DAAM1: variants seen among roughly 807,000 people sequenced by gnomAD.
DAAM1 encodes dishevelled associated activator of morphogenesis 1, also known as disheveled-associated activator of morphogenesis 1.
In DAAM1, 52 loss-of-function variants were observed where a neutral mutation model predicts 130.0. The observed-to-expected ratio is 0.40, with a 90% confidence interval of 0.32 to 0.50. DAAM1 has a LOEUF of 0.50. Among genes scored for constraint, DAAM1 ranks in the 20% least tolerant of loss-of-function variants. DAAM1 has a pLI of 0.61. For missense variants in DAAM1, 1,134 were observed against 1,303.8 expected (o/e 0.87, Z 2.01); for synonymous variants, 452 against 444.5 (o/e 1.02, Z -0.21).
Position 59,353,896 on chromosome 14 carries a change from G to A in DAAM1, c.2288G>A (p.Arg763Lys), listed in dbSNP as rs1289541737. The part of the protein sequence containing the change: ...EMSRINHYQQ[R>K]LQSLYFKKKF... ...TACAGAATTAATCACTATCAGCAAAGGTTGCAATCGCTGTACTTCAAAAAG... is the reference window on the plus strand; with the variant it reads ...TACAGAATTAATCACTATCAGCAAAAGTTGCAATCGCTGTACTTCAAAAAG... Residue 763 changes from arginine to lysine, a missense_variant, in exon 19 of 25, where the codon AGG (arginine) becomes AAG (lysine). Around this residue, in one of 3 missense-constraint regions of DAAM1, gnomAD observed 644 missense variants for 695.9 expected, o/e 0.93. Transcript: ENST00000360909. 1.9e-6 allele frequency: 3 copies of A among 1,613,906 alleles called. No homozygotes were observed. The Admixed American group carries it at 5.0e-5, about 27-fold the overall frequency.
intron 16 of DAAM1, among the ~76,000 whole-genome samples, chr14:59,346,142 G>T (rs1044404368): frequency 7.7e-5 from 10 of 129,480 alleles, no homozygotes; most frequent in Non-Finnish European, 1.4e-4. Context: ...TTTTTTTGGG[G>T]GGGGGGGGGT....
intron 16 of DAAM1, among the ~76,000 whole-genome samples, chr14:59,345,246 A>G (rs559377967): frequency 6.6e-6 from 1 of 152,312 alleles, no homozygotes; most frequent in South Asian, 2.1e-4. Flanking sequence ...CTAACGCGAT[A>G]TTCTGGGAAC....
At chr14:59,363,595 T>C (rs1247475831) in intron 22 of DAAM1, 56 bp from the exon 23 acceptor site, 1 of 1,601,486 alleles carries the variant, frequency 6.2e-7, no homozygotes, top group Non-Finnish European at 8.5e-7. Context: ...AGACGAGGTG[T>C]GTCTCATGTC....
Position 59,289,940 on chromosome 14 carries a change from G to A in DAAM1, c.184-1277G>A, listed in dbSNP as rs117704724. ...AGTAAGAGCTAAACTTTGAAGACAC[G>A]TGGACACAAAGATGGGGAAAATAGA... On this transcript the variant is annotated intron_variant, in intron 2 of 24. Transcript: ENST00000360909. 5.5e-4 allele frequency among the ~76,000 whole-genome samples: 84 copies of A among 151,960 alleles called. 2 individuals carry two copies. The East Asian group carries it at 0.013, about 23-fold the overall frequency.
rs180968579 is a variant in DAAM1, at chr14:59,226,210, A to G, written c.-37-37231A>G. Among the ~76,000 whole-genome samples, 11 of 152,312 alleles carry G rather than the reference A, an allele frequency of 7.2e-5. No individual in the cohort carries two copies. In the East Asian group the frequency reaches 2.1e-3, roughly 29 times the overall value. ...ATGGAGGGATATTGAACAGATACCT[A>G]CTTCCTTAGTATATTGCTCTGTTTA... On this transcript the variant is annotated intron_variant, in intron 1 of 24. Transcript: ENST00000360909.
At chr14:59,213,167 A>T (rs576493376) in intron 1 of DAAM1, among the ~76,000 whole-genome samples, 1 of 151,958 alleles carries the variant, frequency 6.6e-6, no homozygotes, top group Non-Finnish European at 1.5e-5. Context: ...TATTCAGGGG[A>T]ACTTGTCAGT....
At chr14:59,189,066 C>T (rs916948356) in intron 1 of DAAM1, among the ~76,000 whole-genome samples, 6 of 152,222 alleles carry the variant, frequency 3.9e-5, no homozygotes, top group African/African-American at 1.4e-4. Flanking sequence ...GGGGTCCCTC[C>T]CTTTCTTTCT....
intron 1 of DAAM1, among the ~76,000 whole-genome samples, chr14:59,219,752 C>T (rs1452967245): frequency 6.6e-6 from 1 of 152,144 alleles, no homozygotes; most frequent in Admixed American, 6.5e-5. Context: ...TGAGCTTGGC[C>T]AACCTGTGTT....
chr14:59,330,343 GCCTTTGAGTTGCTC>G (rs1419331267), intron 12 of DAAM1, among the ~76,000 whole-genome samples, 144 bp from the exon 13 acceptor site: 1 of 152,078 alleles, frequency 6.6e-6, no homozygotes, highest in African/African-American at 2.4e-5. Context: ...ACATCATTTA[GCCTTTGAGTTGCTC>G]CCTTTGATGG....
chr14:59,327,402 C>CTTTGTTTTTTTTTTTTT (rs1885249122), intron 12 of DAAM1, among the ~76,000 whole-genome samples: 1 of 58,988 alleles, frequency 1.7e-5, no homozygotes, highest in Non-Finnish European at 2.9e-5. Context: ...CACTTGGTTT[C>CTTTGTTTTTTTTTTTTT]TTTTTTTTTT....
chr14:59,198,421 G>T (rs1887982031), intron 1 of DAAM1, among the ~76,000 whole-genome samples: 2 of 151,876 alleles, frequency 1.3e-5, no homozygotes, highest in Non-Finnish European at 2.9e-5. Flanking sequence ...GGTCAGGCTG[G>T]TCTCAAACTC....
At chr14:59,317,558 G>A (rs1340920928) in intron 4 of DAAM1, among the ~76,000 whole-genome samples, 1 of 152,144 alleles carries the variant, frequency 6.6e-6, no homozygotes, top group Non-Finnish European at 1.5e-5. Context: ...TCTGCTTAGG[G>A]CATTCTTGAA....
rs775151779 is a variant in DAAM1, at chr14:59,291,217, G to A, written c.184G>A (p.Asp62Asn). ...ELDVMFSELV[D>N]ELDLTDKHRE... ...CACTAATTATTTTCTTTCTTCTCAGGATGAACTGGACCTCACAGACAAACA... is the reference window on the plus strand; with the variant it reads ...CACTAATTATTTTCTTTCTTCTCAGAATGAACTGGACCTCACAGACAAACA... The change falls in exon 3 of 25, where the codon GAT becomes AAT. Residue 62 changes from aspartate (D) to asparagine (N), a missense_variant and splice_region_variant. Physicochemically the swap from Asp to Asn is conservative, Grantham distance 23. This residue lies in a region of DAAM1 where 99 missense variants were observed against 86.4 expected (regional missense o/e 1.15). Transcript: ENST00000360909. 1 of 1,605,358 alleles carries A rather than the reference G, an allele frequency of 6.2e-7. No individual in the cohort carries two copies. Among genetic ancestry groups the A allele is most frequent in the East Asian group, 2.2e-5 (1 of 44,512 alleles).
intron 1 of DAAM1, among the ~76,000 whole-genome samples, chr14:59,213,524 C>T (rs1253587004): frequency 6.6e-6 from 1 of 152,140 alleles, no homozygotes; most frequent in Non-Finnish European, 1.5e-5. Context: ...CTACCCACTG[C>T]TATTCCTAAA....
intron 1 of DAAM1, among the ~76,000 whole-genome samples, chr14:59,240,070 T>A (rs1889428511): frequency 6.6e-6 from 1 of 152,150 alleles, no homozygotes; most frequent in Non-Finnish European, 1.5e-5. Flanking sequence ...GTGTTTGGAT[T>A]TATGGCTCGA....
chr14:59,342,531 G>A (rs1453892090), intron 16 of DAAM1, among the ~76,000 whole-genome samples: 4 of 152,256 alleles, frequency 2.6e-5, no homozygotes, highest in South Asian at 4.1e-4. Flanking sequence ...AAAAGGAGCT[G>A]GGGACATAAA....
chr14:59,304,496 A>G (rs1420255980), intron 3 of DAAM1, among the ~76,000 whole-genome samples: 2 of 152,134 alleles, frequency 1.3e-5, no homozygotes, highest in Non-Finnish European at 2.9e-5. Context: ...AAAGAATACC[A>G]CCCTTAAGTT....
intron 1 of DAAM1, among the ~76,000 whole-genome samples, chr14:59,233,268 G>T (rs527975546): frequency 6.6e-6 from 1 of 152,184 alleles, no homozygotes; most frequent in South Asian, 2.1e-4. Flanking sequence ...GTGTAAAAGC[G>T]TTCCTATTTC....
chr14:59,346,530 G>A (rs1263173324), intron 16 of DAAM1, among the ~76,000 whole-genome samples: 1 of 152,140 alleles, frequency 6.6e-6, no homozygotes, highest in Non-Finnish European at 1.5e-5. Context: ...ACTTTGGGAG[G>A]GTAAGGTGGG....
Sources: allele counts gnomAD v4.1 joint callset (sites outside exome capture counted in the v4.1 genomes callset), GRCh38; gene constraint gnomAD v4.1.1; regional missense constraint gnomAD v4.1.1; transcripts MANE v1.5; gene names NCBI Gene and HGNC (gene_info 2026-07-23, HGNC 2026-07-21).